PHF21A: variants seen among roughly 807,000 people sequenced by gnomAD.
The protein encoded by PHF21A is BHC80a.
A neutral mutation model predicts 82.5 loss-of-function variants in PHF21A; 11 were observed. The observed-to-expected ratio is 0.13, with a 90% CI of 0.08 to 0.22. The LOEUF is 0.22. Among genes scored for constraint, PHF21A ranks in the 10% least tolerant of loss-of-function variants. The probability of loss-of-function intolerance (pLI) is 1.00; values close to 1 mark genes in which losing one functional copy is unlikely to be tolerated. For synonymous variants in PHF21A, 297 were observed against 302.8 expected, an observed-to-expected ratio of 0.98 and a Z score of 0.20; for missense variants, 579 against 837.8, an observed-to-expected ratio of 0.69 and a Z score of 3.81.
At chr11:46,101,102 C>T (rs7106689) in intron 1 of PHF21A, among the ~76,000 whole-genome samples, 137,262 of 152,224 alleles carry the variant, frequency 0.9, 62,052 homozygotes, top group East Asian at 1. Flanking sequence ...CCATCACAGA[C>T]AGGAAAGTGT....
chr11:46,084,402 C>T (rs533961333), intron 3 of PHF21A, 100 bp from the exon 4 acceptor site: 274 of 454,232 alleles, frequency 6.0e-4, no homozygotes, highest in Middle Eastern at 1.1e-3. Context: ...GATTCTCTAA[C>T]GCAGGGCAAG....
chr11:46,003,818 G>A (rs369111295), intron 6 of PHF21A, among the ~76,000 whole-genome samples: 1 of 152,248 alleles, frequency 6.6e-6, no homozygotes, highest in Non-Finnish European at 1.5e-5. Flanking sequence ...TTCATCAATT[G>A]CTTCCTATGC....
chr11:46,038,610 A>G (rs2138654652), intron 6 of PHF21A, among the ~76,000 whole-genome samples: 1 of 152,276 alleles, frequency 6.6e-6, no homozygotes, highest in East Asian at 1.9e-4. Context: ...ACAGGTATGG[A>G]GGCTGAGAAG....
intron 6 of PHF21A, among the ~76,000 whole-genome samples, chr11:46,038,019 A>C (rs1417019372): frequency 6.6e-6 from 1 of 151,906 alleles, no homozygotes; most frequent in Non-Finnish European, 1.5e-5. Context: ...TTATTATAGA[A>C]TTTCTTAAGT....
intron 6 of PHF21A, among the ~76,000 whole-genome samples, chr11:46,004,442 A>G (rs773243359): frequency 2.6e-5 from 4 of 152,220 alleles, no homozygotes; most frequent in Admixed American, 6.5e-5. Flanking sequence ...ACTGGGGAGT[A>G]GGGAAGGGGT....
intron 6 of PHF21A, among the ~76,000 whole-genome samples, chr11:46,016,687 T>C (rs1490332318): frequency 9.2e-5 from 14 of 152,136 alleles, no homozygotes; most frequent in Admixed American, 8.5e-4. Context: ...TTTTCTCCTC[T>C]ACTATACTGC....
intron 6 of PHF21A, among the ~76,000 whole-genome samples, chr11:46,012,368 C>T (rs1054827521): frequency 1.3e-5 from 2 of 152,294 alleles, no homozygotes; most frequent in South Asian, 2.1e-4. Context: ...TATTCAGATG[C>T]TTTTCAAGTT....
rs746331941 is a variant in PHF21A, at chr11:45,965,431, T to C, written c.880A>G (p.Thr294Ala). 30 of 1,614,094 alleles carry C rather than the reference T, an allele frequency of 1.9e-5. No homozygotes were observed. Among genetic ancestry groups the C allele is most frequent in the Middle Eastern group, 1.6e-4 (1 of 6,062 alleles). The change falls in exon 10 of 19, where the codon ACC becomes GCC. Residue 294 changes from threonine to alanine, a missense_variant. Coordinates refer to ENST00000676320, the MANE Select transcript of PHF21A (RefSeq NM_001352027.3). ...GCCATGGGGAACGTTTTGGCTATGG[T>C]TGCAGTCTGCCCATTGACGACACGG... Reference protein sequence around the residue: ...PVRVVNGQTATIAKTFPMAQL... With the variant: ...PVRVVNGQTAAIAKTFPMAQL...
intron 6 of PHF21A, among the ~76,000 whole-genome samples, chr11:46,029,566 T>G (rs1019020782): frequency 7.3e-5 from 11 of 151,174 alleles, no homozygotes; most frequent in African/African-American, 2.4e-4. Context: ...CGCATGTCTG[T>G]AATCCCAGCT....
chr11:45,974,801 A>G (rs1479871017), intron 7 of PHF21A, among the ~76,000 whole-genome samples: 5 of 152,104 alleles, frequency 3.3e-5, no homozygotes, highest in Admixed American at 2.0e-4. Flanking sequence ...GCTAGTTAAC[A>G]GTGTCTAAGT....
intron 7 of PHF21A, 37 bp from the exon 8 acceptor site, chr11:45,971,404 T>A: frequency 1.9e-6 from 3 of 1,571,816 alleles, no homozygotes; most frequent in Non-Finnish European, 2.6e-6. Flanking sequence ...GGACACTAAA[T>A]CTAAACTAAA....
At chr11:45,949,125 C>G (rs1295909981) in intron 13 of PHF21A, among the ~76,000 whole-genome samples, 179 bp from the exon 14 acceptor site, 2 of 152,206 alleles carry the variant, frequency 1.3e-5, no homozygotes, top group Non-Finnish European at 2.9e-5. Context: ...GAGACTCTCT[C>G]AGAGAAGCCT....
chr11:46,116,525 G>GA (rs1434068322), intron 1 of PHF21A: 1 of 150,486 alleles, frequency 6.6e-6, no homozygotes, highest in Non-Finnish European at 1.5e-5. Flanking sequence ...TGTAATAGGG[G>GA]ACATACAATT....
Position 46,084,309 on chromosome 11 carries a change from A to G in PHF21A, c.-83-7T>C. ...ACTCCTCTTCTCACTGCAGCTGTAAAGATCATAAAATGTTTTGGATCATTA... is the reference window on the plus strand; with the variant it reads ...ACTCCTCTTCTCACTGCAGCTGTAAGGATCATAAAATGTTTTGGATCATTA... On this transcript the variant is annotated splice_region_variant and splice_polypyrimidine_tract_variant and intron_variant, in intron 3 of 18. Coordinates refer to ENST00000676320, the MANE Select transcript of PHF21A (RefSeq NM_001352027.3). 1.2e-6 allele frequency: 1 copy of G among 863,378 alleles called. No individual in the cohort carries two copies. Among genetic ancestry groups the G allele is most frequent in the African/African-American group, 1.8e-5 (1 of 56,040 alleles). 53.5% of individuals were successfully genotyped at this position (863,378 alleles called of 1,614,324 possible). A position where few individuals can be genotyped will look rare whatever the true frequency, so the allele number is the denominator to read the frequency against.
chr11:46,083,601 C>T (rs2096821246), intron 4 of PHF21A: 1 of 152,178 alleles, frequency 6.6e-6, no homozygotes, highest in South Asian at 2.1e-4. Context: ...CGCCTGATGT[C>T]CAGCTAAAGT....
At chr11:45,965,699 G>T in intron 9 of PHF21A, 91 bp from the exon 10 acceptor site, 3 of 933,870 alleles carry the variant, frequency 3.2e-6, no homozygotes, top group South Asian at 1.8e-5. Context: ...ATGAAATGGT[G>T]TTTAATACAC....
chr11:46,021,222 G>A (rs1392008833), intron 6 of PHF21A, among the ~76,000 whole-genome samples: 1 of 152,010 alleles, frequency 6.6e-6, no homozygotes, highest in Non-Finnish European at 1.5e-5. Flanking sequence ...GCTATGCCTG[G>A]CTAATTTTTT....
chr11:46,027,309 C>A (rs767399971), intron 6 of PHF21A, among the ~76,000 whole-genome samples: 1 of 152,194 alleles, frequency 6.6e-6, no homozygotes, highest in Admixed American at 6.5e-5. Flanking sequence ...ATATTCCATG[C>A]TAATCTGCCA....
intron 1 of PHF21A, among the ~76,000 whole-genome samples, chr11:46,106,114 A>G (rs1355791712): frequency 6.6e-6 from 1 of 152,200 alleles, no homozygotes; most frequent in Non-Finnish European, 1.5e-5. Context: ...AAGTTGCCAC[A>G]TTTTCTGGGC....
Sources: allele counts gnomAD v4.1 joint callset (sites outside exome capture counted in the v4.1 genomes callset), GRCh38; gene constraint gnomAD v4.1.1; transcripts MANE v1.5; gene names NCBI Gene and HGNC (gene_info 2026-07-23, HGNC 2026-07-21).